The following ITFG1 variants were observed in gnomAD, a reference collection of about 807,000 sequenced individuals.
ITFG1 encodes integrin alpha FG-GAP repeat containing 1.
ITFG1 carries 34 observed loss-of-function variants against 81.8 expected under a neutral mutation model. The ratio of observed to expected loss-of-function variants is 0.42; its 90% CI spans 0.32 to 0.55. The LOEUF is 0.55. ITFG1 is among the 20% of genes least tolerant of loss of function. The probability of loss-of-function intolerance (pLI) is 0.17; values close to 1 mark genes in which losing one functional copy is unlikely to be tolerated. For missense variants in ITFG1, 672 were observed against 755.4 expected (o/e 0.89, Z 1.29); for synonymous variants, 285 against 270.6 (o/e 1.05, Z -0.52).
At chr16:47,434,438 C>A (rs1969139533) in intron 5 of ITFG1, among the ~76,000 whole-genome samples, 1 of 150,220 alleles carries the variant, frequency 6.7e-6, no homozygotes, top group Non-Finnish European at 1.5e-5. Flanking sequence ...GGCCAAAAAA[C>A]ACGAAAAAAA....
chr16:47,306,521 A>G (rs1433626497), intron 10 of ITFG1, among the ~76,000 whole-genome samples: 1 of 152,128 alleles, frequency 6.6e-6, no homozygotes, highest in Non-Finnish European at 1.5e-5. Context: ...ATAAAAAAGA[A>G]CAATGAAACC....
intron 6 of ITFG1, among the ~76,000 whole-genome samples, chr16:47,416,887 T>C (rs936972224): frequency 1.3e-5 from 2 of 152,220 alleles, no homozygotes; most frequent in Admixed American, 6.5e-5. Context: ...CAATGAGAAG[T>C]GTATACCATT....
intron 14 of ITFG1, among the ~76,000 whole-genome samples, chr16:47,164,561 T>C (rs1417254839): frequency 1.3e-5 from 2 of 152,388 alleles, no homozygotes; most frequent in African/African-American, 4.8e-5. Flanking sequence ...CAAAAATATG[T>C]TGTAGCTTTT....
At chr16:47,296,121 G>C (rs1966977656) in intron 10 of ITFG1, among the ~76,000 whole-genome samples, 1 of 150,360 alleles carries the variant, frequency 6.7e-6, no homozygotes, top group Non-Finnish European at 1.5e-5. Context: ...ATTGTTCGTA[G>C]AGGTAGGTCT....
chr16:47,246,390 G>A (rs773167473), intron 12 of ITFG1, among the ~76,000 whole-genome samples: 1 of 152,042 alleles, frequency 6.6e-6, no homozygotes, highest in African/African-American at 2.4e-5. Context: ...TTATAAAAAG[G>A]GGTGTCTACA....
chr16:47,239,427 T>C (rs911660715), intron 12 of ITFG1, among the ~76,000 whole-genome samples: 2 of 152,158 alleles, frequency 1.3e-5, no homozygotes, highest in East Asian at 3.9e-4. Context: ...TCTCAATCTC[T>C]TGACCTTGTG....
At chr16:47,214,953 C>T (rs2151525533) in intron 14 of ITFG1, among the ~76,000 whole-genome samples, 1 of 152,094 alleles carries the variant, frequency 6.6e-6, no homozygotes, top group African/African-American at 2.4e-5. Context: ...CACACACACA[C>T]ACACACACGC....
chr16:47,364,857 T>C lies in ITFG1; in HGVS notation c.802+931A>G, dbSNP rs564354348. ...ACAAAAAACATGTAAGTCCAATGAA[T>C]AGACTCAAACTACAATTTGAGATGA... is the stretch of plus-strand genomic sequence containing the variant. On this transcript the variant is annotated intron_variant, in intron 8 of 17. Coordinates refer to ENST00000320640, the MANE Select transcript of ITFG1 (RefSeq NM_030790.5). Among the ~76,000 whole-genome samples the C allele has an allele frequency of 3.3e-5, 5 of 152,274 alleles. No homozygotes were observed. The South Asian group carries it at 1.0e-3, about 32-fold the overall frequency.
At chr16:47,453,871 A>G (rs1969418680) in intron 3 of ITFG1, 142 bp downstream of exon 3, 1 of 626,134 alleles carries the variant, frequency 1.6e-6, no homozygotes, top group Non-Finnish European at 2.7e-6. Context: ...AAAAAGAAAA[A>G]TCAGGAAATA....
chr16:47,337,123 A>T (rs1967715308), intron 8 of ITFG1, among the ~76,000 whole-genome samples: 1 of 140,368 alleles, frequency 7.1e-6, no homozygotes, highest in Non-Finnish European at 1.5e-5. Context: ...GGGTGACAAG[A>T]GCGAACTCTG....
chr16:47,353,238 C>T (rs1430466985), intron 8 of ITFG1, among the ~76,000 whole-genome samples: 3 of 151,694 alleles, frequency 2.0e-5, no homozygotes, highest in Non-Finnish European at 4.4e-5. Flanking sequence ...AGAATCACCA[C>T]GATCAAGTGG....
intron 12 of ITFG1, 30 bp from the exon 13 acceptor site, chr16:47,238,038 T>C (rs763684510): frequency 1.3e-5 from 17 of 1,312,482 alleles, no homozygotes; most frequent in Non-Finnish European, 1.7e-5. Context: ...CAATTATTAC[T>C]ATTATAAGTT....
At chr16:47,443,473 C>A (rs1019686395) in intron 5 of ITFG1, among the ~76,000 whole-genome samples, 2 of 152,058 alleles carry the variant, frequency 1.3e-5, no homozygotes, top group Non-Finnish European at 2.9e-5. Context: ...ACACTATTCA[C>A]AATAGCAAAG....
At chr16:47,413,854 C>A (rs992395014) in intron 6 of ITFG1, among the ~76,000 whole-genome samples, 1 of 152,126 alleles carries the variant, frequency 6.6e-6, no homozygotes, top group Non-Finnish European at 1.5e-5. Flanking sequence ...TATTCTCGCT[C>A]TTATCCCCCA....
chr16:47,165,423 A>C (rs1964876953), intron 14 of ITFG1, among the ~76,000 whole-genome samples: 1 of 152,284 alleles, frequency 6.6e-6, no homozygotes, highest in South Asian at 2.1e-4. Context: ...AGTGAACAGC[A>C]TGGGCTGCAG....
chr16:47,391,757 G>T (rs1423588082), intron 6 of ITFG1, among the ~76,000 whole-genome samples: 2 of 152,110 alleles, frequency 1.3e-5, no homozygotes, highest in Admixed American at 6.6e-5. Flanking sequence ...GAAGGATTTG[G>T]TTATTAAATT....
chr16:47,349,664 TAAC>T (rs1198284901), intron 8 of ITFG1, among the ~76,000 whole-genome samples: 1 of 152,020 alleles, frequency 6.6e-6, no homozygotes, highest in African/African-American at 2.4e-5. Context: ...GAGAGAAAGT[TAAC>T]AAGGATATCC....
Position 47,453,359 on chromosome 16 carries a change from G to A in ITFG1, c.428-569C>T, listed in dbSNP as rs113193625. On this transcript the variant is annotated intron_variant, in intron 3 of 17. Transcript: ENST00000320640. ...GGCTTGATGATTTGTGACTAGGTAT[G>A]GTAGACTGACTCTCGAACCATACTT... Among the ~76,000 whole-genome samples, 83 of 152,286 alleles carry A rather than the reference G, an allele frequency of 5.5e-4. 2 individuals are homozygous for A. The highest frequency in any genetic ancestry group is 1.9e-3 in the African/African-American group (77 of 41,560).
In ITFG1 at chr16:47,459,123, G is replaced by A; in HGVS notation, c.261C>T (p.Pro87=). 6.3e-7 allele frequency: 1 copy of A among 1,593,528 alleles called. No individual in the cohort carries two copies. The highest frequency in any genetic ancestry group is 8.6e-7 in the Non-Finnish European group (1 of 1,161,690). The change falls in exon 2 of 18, where the codon CCC becomes CCT. Residue 87 remains proline (P), a synonymous_variant. Transcript: ENST00000320640. ...CTTACTTGAAAGATACCTTTACTTT[G>A]GGTTTAAAATAGGGTGCATTCTGGT... ...LADQNAPYFK[P]KVKVSFKNHS...
Sources: gnomAD v4.1 joint callset for allele counts (sites outside exome capture counted in the v4.1 genomes callset) on GRCh38, gnomAD v4.1.1 for gene constraint, MANE v1.5 for transcripts, NCBI Gene and HGNC (gene_info 2026-07-23, HGNC 2026-07-21) for gene names.